The following ZNF280D variants were observed in gnomAD, a reference collection of about 807,000 sequenced individuals.
The protein encoded by ZNF280D is zinc finger protein 280D, also known as suppressor of hairy wing homolog 4.
ZNF280D carries 39 observed loss-of-function variants against 94.7 expected under a neutral mutation model. That is an observed-to-expected ratio of 0.41 (90% confidence interval 0.32 to 0.54). The LOEUF (loss-of-function observed/expected upper bound fraction) is 0.54. ZNF280D is among the 20% of genes least tolerant of loss of function. The probability of loss-of-function intolerance (pLI) is 0.22; values close to 1 mark genes in which losing one functional copy is unlikely to be tolerated. For synonymous variants in ZNF280D, 398 were observed against 377.6 expected, an observed-to-expected ratio of 1.05 and a Z score of -0.63; for missense variants, 1,090 against 1,149.3, an observed-to-expected ratio of 0.95 and a Z score of 0.75.
At position 56,704,148 on chromosome 15, in the gene ZNF280D, T is replaced by C. The variant is rs1567010584; in HGVS notation, c.148A>G (p.Ile50Val). 1.2e-6 allele frequency: 2 copies of C among 1,613,810 alleles called. No homozygotes were observed. Among genetic ancestry groups the C allele is most frequent in the South Asian group, 1.1e-5 (1 of 90,990 alleles). ...DDDEPIFVGE[I>V]SSSKPAISNI... ...GAAATTGCTGGTTTTGAACTTGATA[T>C]CTCGCCAACAAAGATTGGCTCATCA... Residue 50 changes from isoleucine to valine, a missense_variant, in exon 4 of 22, where the codon ATA (isoleucine) becomes GTA (valine). By Grantham distance (29) the Ile-to-Val change is conservative. Around this residue, in one of 3 missense-constraint regions of ZNF280D, gnomAD observed 386 missense variants for 372.0 expected, o/e 1.04. Transcript: ENST00000267807.
rs186938737 is a variant in ZNF280D, at chr15:56,635,355, A to G, written c.2260-105T>C. 171 of 371,128 alleles carry G rather than the reference A, an allele frequency of 4.6e-4. 1 individual carries two copies. The East Asian group carries it at 8.0e-3, about 17-fold the overall frequency. 23.0% of individuals were successfully genotyped at this position (371,128 alleles called of 1,614,324 possible). A position where few individuals can be genotyped will look rare whatever the true frequency, so the allele number is the denominator to read the frequency against. On this transcript the variant is annotated intron_variant, in intron 20 of 21. Transcript: ENST00000267807. ...AAAAGAAACAAGTGTGCAACTTAAT[A>G]TAACAAAGAAATAGAAAAATAATTT...
chr15:56,690,675 G>A (rs540037537), intron 7 of ZNF280D, among the ~76,000 whole-genome samples: 1 of 152,266 alleles, frequency 6.6e-6, no homozygotes, highest in Admixed American at 6.5e-5. Flanking sequence ...CAAGAGAAAT[G>A]AGGATATCCA....
intron 9 of ZNF280D, among the ~76,000 whole-genome samples, chr15:56,685,953 C>A (rs931465699): frequency 6.6e-6 from 1 of 152,042 alleles, no homozygotes; most frequent in African/African-American, 2.4e-5. Flanking sequence ...GCAAAAGGCA[C>A]ACCTAAAACA....
intron 20 of ZNF280D, among the ~76,000 whole-genome samples, chr15:56,641,380 A>G (rs1342761959): frequency 6.6e-6 from 1 of 151,970 alleles, no homozygotes; most frequent in African/African-American, 2.4e-5. Context: ...TAATCTATTC[A>G]TACCAATATG....
intron 14 of ZNF280D, 83 bp from the exon 15 acceptor site, chr15:56,667,069 A>C: frequency 8.6e-7 from 1 of 1,159,804 alleles, no homozygotes; most frequent in East Asian, 2.7e-5. Context: ...AATAGTTAAA[A>C]ATCAAGAATT....
chr15:56,646,968 G>C (rs1446305296), intron 19 of ZNF280D, among the ~76,000 whole-genome samples: 2 of 152,144 alleles, frequency 1.3e-5, no homozygotes, highest in Non-Finnish European at 2.9e-5. Context: ...GACAATATGA[G>C]AATTGGTGGT....
chr15:56,682,595 T>C (rs2055704986), intron 9 of ZNF280D, 118 bp from the exon 10 acceptor site: 1 of 620,840 alleles, frequency 1.6e-6, no homozygotes, highest in Middle Eastern at 4.4e-4. Context: ...ATGCTTGTAA[T>C]ATATCTAGAA....
intron 1 of ZNF280D, among the ~76,000 whole-genome samples, chr15:56,732,368 G>C (rs1425655177): frequency 6.6e-6 from 1 of 152,146 alleles, no homozygotes; most frequent in Non-Finnish European, 1.5e-5. Context: ...AACATCAGAG[G>C]CACACAGCCC....
At chr15:56,682,573 AC>A in intron 9 of ZNF280D, 96 bp from the exon 10 acceptor site, 1 of 718,828 alleles carries the variant, frequency 1.4e-6, no homozygotes, top group Non-Finnish European at 2.2e-6. Context: ...CTAAGGCCAG[AC>A]CATTAAAACT....
At chr15:56,642,770 T>C (rs555699524) in intron 20 of ZNF280D, among the ~76,000 whole-genome samples, 182 bp downstream of exon 20, 148 of 151,846 alleles carry the variant, frequency 9.7e-4, no homozygotes, top group Admixed American at 1.9e-3. Flanking sequence ...CCTTAAAATT[T>C]TACTTAGGGC....
intron 13 of ZNF280D, among the ~76,000 whole-genome samples, chr15:56,669,877 A>ATATATAT (rs2054577074): frequency 1.2e-4 from 1 of 8,212 alleles, no homozygotes; most frequent in Non-Finnish European, 3.0e-4. Context: ...TATATTTTAT[A>ATATATAT]TATATATATA....
chr15:56,632,019 C>G lies in ZNF280D; in HGVS notation c.2419G>C (p.Asp807His). The G allele has an allele frequency of 1.9e-6, 3 of 1,613,934 alleles. No homozygotes were observed. The highest frequency in any genetic ancestry group is 2.5e-6 in the Non-Finnish European group (3 of 1,179,976). Residue 807 changes from aspartate to histidine, a missense_variant, in exon 22 of 22, where the codon GAT (aspartate) becomes CAT (histidine). Coordinates refer to ENST00000267807, the MANE Select transcript of ZNF280D (RefSeq NM_017661.4). ...TKSEESITVS[D>H]KENETCLADQ... is the part of the protein sequence containing the mutation. ...GCAAGACAGGTTTCATTTTCCTTATCTGAAACTGTTATGCTTTCTTCACTT... is the reference window on the plus strand; with the variant it reads ...GCAAGACAGGTTTCATTTTCCTTATGTGAAACTGTTATGCTTTCTTCACTT...
At position 56,663,121 on chromosome 15, in the gene ZNF280D, C is replaced by CA. The variant is rs138416677; in HGVS notation, c.1994+3273dup. ...CAAAATGGAAAAAATCCCATCCCTA[C>CA]AAAAAAAAAAAATTATCTGAGCATG... is the stretch of plus-strand genomic sequence containing the variant. On this transcript the variant is annotated intron_variant, in intron 16 of 21. Coordinates refer to ENST00000267807, the MANE Select transcript of ZNF280D (RefSeq NM_017661.4). Among the ~76,000 whole-genome samples, 1,313 of 138,400 alleles carry CA rather than the reference C, an allele frequency of 9.5e-3. 18 individuals carry two copies. Among genetic ancestry groups the CA allele is most frequent in the African/African-American group, 0.031 (1,180 of 37,866 alleles). The allele number at this position is 138,400 out of a possible 152,430, so 90.8% of individuals were successfully genotyped here.
rs1196977253 is a variant in ZNF280D, at chr15:56,720,983, G to GGA, written c.-86+12474_-86+12475insTC. Reference sequence around the variant, plus strand: ...TAGCATTTTTTTTGGGGGGGGGGGGGACAGAGTCTCGCTCCATTGACCAGC... The same window carrying GGA: ...TAGCATTTTTTTTGGGGGGGGGGGGGGAACAGAGTCTCGCTCCATTGACCAGC... On this transcript the variant is annotated intron_variant, in intron 1 of 21. Coordinates refer to ENST00000267807, the MANE Select transcript of ZNF280D (RefSeq NM_017661.4). 1.1e-3 allele frequency among the ~76,000 whole-genome samples: 116 copies of GGA among 105,822 alleles called. 5 individuals are homozygous for GGA. The highest frequency in any genetic ancestry group is 1.3e-3 in the African/African-American group (41 of 31,344). 69.4% of individuals were successfully genotyped at this position (105,822 alleles called of 152,430 possible). A position where few individuals can be genotyped will look rare whatever the true frequency, so the allele number is the denominator to read the frequency against.
At chr15:56,713,009 G>T (rs2057852528) in intron 1 of ZNF280D, among the ~76,000 whole-genome samples, 1 of 152,042 alleles carries the variant, frequency 6.6e-6, no homozygotes, top group East Asian at 1.9e-4. Context: ...CAAAGTGCTG[G>T]CATTACAGGT....
At chr15:56,671,001 C>G (rs768996143) in intron 13 of ZNF280D, among the ~76,000 whole-genome samples, 1 of 151,832 alleles carries the variant, frequency 6.6e-6, no homozygotes, top group African/African-American at 2.4e-5. Flanking sequence ...TGTCCATATC[C>G]TTTGCCCGCT....
chr15:56,727,588 G>GT (rs2058687671), intron 1 of ZNF280D, among the ~76,000 whole-genome samples: 1 of 152,220 alleles, frequency 6.6e-6, no homozygotes, highest in African/African-American at 2.4e-5. Context: ...ATCCTCATGC[G>GT]TAAGTGGCAG....
chr15:56,631,763 C>T lies in ZNF280D; in HGVS notation c.2675G>A (p.Ser892Asn), dbSNP rs767680531. 16 of 1,614,134 alleles carry T rather than the reference C, an allele frequency of 9.9e-6. No individual in the cohort carries two copies. In the Admixed American group the frequency reaches 2.7e-4, roughly 27 times the overall value. Reference protein sequence around the residue: ...KDLRLASDNVSIDQFLRKRHE... With the variant: ...KDLRLASDNVNIDQFLRKRHE... Reference sequence around the variant, plus strand: ...TCTTTTTCTCAAAAACTGATCAATGCTTACATTATCTGATGCTAATCGCAA... The same window carrying T: ...TCTTTTTCTCAAAAACTGATCAATGTTTACATTATCTGATGCTAATCGCAA... Residue 892 changes from serine (S) to asparagine (N), a missense_variant, in exon 22 of 22, where the codon AGC becomes AAC. Coordinates refer to ENST00000267807, the MANE Select transcript of ZNF280D (RefSeq NM_017661.4).
At chr15:56,691,129 T>A (rs2056400075) in intron 7 of ZNF280D, among the ~76,000 whole-genome samples, 1 of 152,274 alleles carries the variant, frequency 6.6e-6, no homozygotes, top group African/African-American at 2.4e-5. Flanking sequence ...GATATTATCA[T>A]TACTAACAAA....
Sources: allele counts gnomAD v4.1 joint callset (sites outside exome capture counted in the v4.1 genomes callset), GRCh38; gene constraint gnomAD v4.1.1; regional missense constraint gnomAD v4.1.1; transcripts MANE v1.5; gene names NCBI Gene and HGNC (gene_info 2026-07-23, HGNC 2026-07-21).